The following LRP5 variants were observed in gnomAD, a reference collection of about 807,000 sequenced individuals.
The protein encoded by LRP5 is low-density lipoprotein receptor-related protein 5.
In LRP5, 62 loss-of-function variants were observed where a neutral mutation model predicts 154.1. That is an observed-to-expected ratio of 0.40 (90% CI 0.33 to 0.50). The LOEUF is 0.50. Ranked by LOEUF, LRP5 falls within the 20% of genes least tolerant of loss-of-function variation. LRP5 has a pLI of 0.55. For synonymous variants in LRP5, 966 were observed against 1,011.5 expected (o/e 0.96, Z 0.85); for missense variants, 1,915 against 2,336.7 (o/e 0.82, Z 3.72).
chr11:68,390,986 GT>G (rs1357675371), intron 7 of LRP5, among the ~76,000 whole-genome samples: 1 of 152,218 alleles, frequency 6.6e-6, no homozygotes, highest in African/African-American at 2.4e-5. Flanking sequence ...TTGATTGTTT[GT>G]TTTTGTTGTC....
intron 2 of LRP5, among the ~76,000 whole-genome samples, chr11:68,355,965 G>A (rs529901220): frequency 1.5e-4 from 23 of 151,592 alleles, no homozygotes; most frequent in South Asian, 1.3e-3. Flanking sequence ...TCAGCCTCCC[G>A]AGTAGCTGTG....
chr11:68,396,550 G>C (rs1223147962), intron 7 of LRP5, among the ~76,000 whole-genome samples: 1 of 152,214 alleles, frequency 6.6e-6, no homozygotes, highest in Non-Finnish European at 1.5e-5. Flanking sequence ...ATTGGGAGAA[G>C]AACAAAGGTC....
chr11:68,449,186 TGAG>T lies in LRP5; in HGVS notation c.*117_*119del. On this transcript the variant is annotated 3_prime_UTR_variant, in exon 23 of 23. Coordinates refer to ENST00000294304, the MANE Select transcript of LRP5 (RefSeq NM_002335.4). The stretch of plus-strand genomic sequence containing the variant: ...AAATATAATTGGGATTTTAAAAACA[TGAG>T]AAATGTGAACTGTGATGGGGTGGGC... 1.2e-6 allele frequency: 1 copy of T among 819,956 alleles called. No individual in the cohort carries two copies. Among genetic ancestry groups the T allele is most frequent in the East Asian group, 3.0e-5 (1 of 33,650 alleles). 50.8% of individuals were successfully genotyped at this position (819,956 alleles called of 1,614,324 possible). A position where few individuals can be genotyped will look rare whatever the true frequency, so the allele number is the denominator to read the frequency against.
rs550132257 is a variant in LRP5, at chr11:68,421,522, T to C, written c.3028-1967T>C. 7.2e-5 allele frequency among the ~76,000 whole-genome samples: 11 copies of C among 152,292 alleles called. No homozygotes were observed. In the South Asian group the frequency reaches 2.3e-3, roughly 32 times the overall value. On this transcript the variant is annotated intron_variant, in intron 13 of 22. Transcript: ENST00000294304. The stretch of plus-strand genomic sequence containing the variant: ...GCCCGGCAGCTGTACCAGTCCAGGG[T>C]CCACAGCTAGTGGCTTTTAGGAAGG...
intron 7 of LRP5, among the ~76,000 whole-genome samples, chr11:68,390,892 TGG>T (rs1019767811): frequency 2.5e-4 from 38 of 152,278 alleles, no homozygotes; most frequent in African/African-American, 8.7e-4. Context: ...CCTCGTCCCA[TGG>T]GCGTGCTTTG....
chr11:68,430,828 A>G (rs2098671483), intron 17 of LRP5, among the ~76,000 whole-genome samples: 1 of 152,208 alleles, frequency 6.6e-6, no homozygotes, highest in Non-Finnish European at 1.5e-5. Flanking sequence ...CTTTAGGGCC[A>G]AAGAGGCCAG....
rs778832210 is a variant in LRP5 at position 68,438,592 on chromosome 11, G to A, written c.4258G>A (p.Gly1420Arg). The A allele has an allele frequency of 9.9e-6, 16 of 1,613,884 alleles. No homozygotes were observed. The highest frequency in any genetic ancestry group is 4.5e-5 in the East Asian group (2 of 44,894). The change falls in exon 20 of 23, where the codon GGG (glycine) becomes AGG (arginine). Residue 1420 changes from glycine (G) to arginine (R), a missense_variant. Physicochemically the swap from Gly to Arg is moderately radical, Grantham distance 125 (BLOSUM62 -2). Coordinates refer to ENST00000294304, the MANE Select transcript of LRP5 (RefSeq NM_002335.4). ...GTGCCAGCGCTATGCGGGGGCCAAC[G>A]GGCCCTTCCCGCACGAGTATGTCAG... ...VVCQRYAGAN[G>R]PFPHEYVSGT...
At position 68,423,832 on chromosome 11, in the gene LRP5, A is replaced by T. The variant is rs1246685283; in HGVS notation, c.3236+135A>T. On this transcript the variant is annotated intron_variant, in intron 14 of 22. Transcript: ENST00000294304. This position sits in a 1 kb window ranked among gnomAD's most constrained non-coding sequence, Gnocchi z 4.7. ...CCAATGGGTGGCTTTCCAGGGTCCC[A>T]AAAGCAAACACAGGCTCTTTCACAG... 19 of 789,388 alleles carry T rather than the reference A, an allele frequency of 2.4e-5. No individual in the cohort carries two copies. Among genetic ancestry groups the T allele is most frequent in the Non-Finnish European group, 3.4e-5 (17 of 497,430 alleles). The allele number at this position is 789,388 out of a possible 1,614,324, so 48.9% of individuals were successfully genotyped here. A position where few individuals can be genotyped will look rare whatever the true frequency, so the allele number is the denominator to read the frequency against.
At chr11:68,321,335 T>C (rs1241764848) in intron 1 of LRP5, among the ~76,000 whole-genome samples, 3 of 152,172 alleles carry the variant, frequency 2.0e-5, no homozygotes, top group Admixed American at 6.5e-5. Context: ...CCCACCTCAT[T>C]GTCCTTTTCA....
rs377145254 is a variant in LRP5 at position 68,433,735 on chromosome 11, C to T, written c.3897C>T (p.Ser1299=). The T allele has an allele frequency of 2.2e-5, 36 of 1,612,728 alleles. No homozygotes were observed. The highest frequency in any genetic ancestry group is 4.5e-5 in the East Asian group (2 of 44,896). The part of the protein sequence containing the change: ...QSDEEGCPVC[S]AAQFPCARGQ... The stretch of plus-strand genomic sequence containing the variant: ...ACGAGGAGGGCTGCCCCGTGTGCTC[C>T]GCCGCCCAGTTCCCCTGCGCGCGGG... Residue 1299 remains serine, a synonymous_variant, in exon 18 of 23, where the codon TCC becomes TCT. Coordinates refer to ENST00000294304, the MANE Select transcript of LRP5 (RefSeq NM_002335.4).
At chr11:68,372,195 C>T (rs892807478) in intron 5 of LRP5, among the ~76,000 whole-genome samples, 2 of 152,026 alleles carry the variant, frequency 1.3e-5, no homozygotes, top group African/African-American at 2.4e-5. Context: ...TGAGAAAGTG[C>T]AGTGTCAGGC....
intron 21 of LRP5, among the ~76,000 whole-genome samples, chr11:68,441,929 A>G (rs1477576171): frequency 1.3e-5 from 2 of 152,230 alleles, no homozygotes; most frequent in African/African-American, 4.8e-5. Context: ...TCCTTTAAAT[A>G]TATGTTCATG....
chr11:68,347,073 T>C (rs553697259), intron 1 of LRP5, among the ~76,000 whole-genome samples: 34 of 152,238 alleles, frequency 2.2e-4, no homozygotes, highest in Admixed American at 4.6e-4. Flanking sequence ...TCAGGAATGC[T>C]TGGGGTGGGG....
rs2153172894 is a variant in LRP5, at chr11:68,423,333, G to A, written c.3028-156G>A. Among the ~76,000 whole-genome samples the A allele has an allele frequency of 6.6e-6, 1 of 152,262 alleles. No individual in the cohort carries two copies. Among genetic ancestry groups the A allele is most frequent in the Non-Finnish European group, 1.5e-5 (1 of 68,004 alleles). On this transcript the variant is annotated intron_variant, in intron 13 of 22. Transcript: ENST00000294304. The surrounding 1 kb of genome is among the most constrained non-coding windows in gnomAD (Gnocchi z 4.7). ...AAACTTGAGAAGTGTGGCCTCTGCT[G>A]TCCTGCCAGAGCTCTCCAGCCAGTG...
chr11:68,325,060 G>C (rs1282024606), intron 1 of LRP5, among the ~76,000 whole-genome samples: 1 of 152,208 alleles, frequency 6.6e-6, no homozygotes, highest in East Asian at 1.9e-4. Context: ...CTCCATCAGG[G>C]TGGACTATAG....
At chr11:68,317,435 A>T (rs2098594059) in intron 1 of LRP5, among the ~76,000 whole-genome samples, 2 of 151,890 alleles carry the variant, frequency 1.3e-5, no homozygotes, top group Non-Finnish European at 2.9e-5. Context: ...GTGGGTGAAG[A>T]TATTTGGGGT....
At chr11:68,330,573 G>T (rs1783578503) in intron 1 of LRP5, among the ~76,000 whole-genome samples, 1 of 152,272 alleles carries the variant, frequency 6.6e-6, no homozygotes, top group East Asian at 1.9e-4. Context: ...GCAAGGACTT[G>T]CCTGGGGTCA....
chr11:68,448,246 G>A (rs1158588969), intron 22 of LRP5, among the ~76,000 whole-genome samples: 1 of 152,170 alleles, frequency 6.6e-6, no homozygotes, highest in African/African-American at 2.4e-5. Context: ...CTCCCACTGG[G>A]TCCCTCCCAC....
intron 7 of LRP5, among the ~76,000 whole-genome samples, chr11:68,399,367 G>A (rs959998387): frequency 6.6e-6 from 1 of 151,622 alleles, no homozygotes; most frequent in Non-Finnish European, 1.5e-5. Context: ...CCCAGACCCT[G>A]CCTCTTTAAA....
Sources: gnomAD v4.1 joint callset for allele counts (sites outside exome capture counted in the v4.1 genomes callset) on GRCh38, gnomAD v4.1.1 for gene constraint, Gnocchi (gnomAD v3.1) non-coding constraint, MANE v1.5 for transcripts, NCBI Gene and HGNC (gene_info 2026-07-23, HGNC 2026-07-21) for gene names.